CNEP1R1: variants seen among roughly 807,000 people sequenced by gnomAD.
CNEP1R1 encodes CTD nuclear envelope phosphatase 1 regulatory subunit 1, also known as nuclear envelope phosphatase-regulatory subunit 1.
A neutral mutation model predicts 22.7 loss-of-function variants in CNEP1R1; 10 were observed. The observed-to-expected ratio is 0.44, with a 90% confidence interval of 0.27 to 0.75. The LOEUF (loss-of-function observed/expected upper bound fraction) is 0.75. Ranked by LOEUF, CNEP1R1 falls within the 30% of genes least tolerant of loss-of-function variation. The pLI is 0.17. For missense variants in CNEP1R1, 73 were observed against 151.5 expected (o/e 0.48, Z 2.72); for synonymous variants, 53 against 50.1 (o/e 1.06, Z -0.25).
chr16:50,032,276 C>T (rs1351121078), intron 3 of CNEP1R1, among the ~76,000 whole-genome samples: 1 of 152,222 alleles, frequency 6.6e-6, no homozygotes, highest in Non-Finnish European at 1.5e-5. Context: ...TCTGTGTCTC[C>T]AGTCAACGTT....
At chr16:50,033,594 T>C in intron 4 of CNEP1R1, 88 bp downstream of exon 4, 1 of 677,012 alleles carries the variant, frequency 1.5e-6, no homozygotes, top group Non-Finnish European at 2.5e-6. Flanking sequence ...CCGGGCGTGG[T>C]GGCTCACGCC....
At position 50,029,739 on chromosome 16, in the gene CNEP1R1, G is replaced by T. The variant is rs757937480; in HGVS notation, c.112G>T (p.Val38Leu). Residue 38 changes from valine (V) to leucine (L), a missense_variant, in exon 3 of 6, where the codon GTA (valine) becomes TTA (leucine). Coordinates refer to ENST00000427478, the MANE Select transcript of CNEP1R1 (RefSeq NM_001281789.2). The stretch of plus-strand genomic sequence containing the variant: ...TCTTTCATCAGTGCTTCTTATAGTG[G>T]TATCTGTCTGTACAGCTACTGGTGC... ...TGRWRMLLIV[V>L]SVCTATGAWN... 6.2e-7 allele frequency: 1 copy of T among 1,606,798 alleles called. No individual in the cohort carries two copies. The highest frequency in any genetic ancestry group is 8.5e-7 in the Non-Finnish European group (1 of 1,174,568).
Position 50,035,539 on chromosome 16 carries a change from T to A in CNEP1R1, c.*81T>A. 1 of 1,083,742 alleles carries A rather than the reference T, an allele frequency of 9.2e-7. No individual in the cohort carries two copies. The highest frequency in any genetic ancestry group is 1.4e-6 in the Non-Finnish European group (1 of 732,634). 67.1% of individuals were successfully genotyped at this position (1,083,742 alleles called of 1,614,324 possible). A position where few individuals can be genotyped will look rare whatever the true frequency, so the allele number is the denominator to read the frequency against. On this transcript the variant is annotated 3_prime_UTR_variant, in exon 6 of 6. Transcript: ENST00000427478. ...CAGCAAAAAGCCATAAAGGATTCCTTTTGCGGTTGGATATGTAAAGGTCAT... is the reference window on the plus strand; with the variant it reads ...CAGCAAAAAGCCATAAAGGATTCCTATTGCGGTTGGATATGTAAAGGTCAT...
At position 50,025,235 on chromosome 16, in the gene CNEP1R1, G is replaced by C; in HGVS notation, c.-81G>C. On this transcript the variant is annotated 5_prime_UTR_variant, in exon 1 of 6. Coordinates refer to ENST00000427478, the MANE Select transcript of CNEP1R1 (RefSeq NM_001281789.2). ...CAGCGGGGAGCGGTTAGAGGTGGGAGTTGGCGCTGCGGGCCGGGCGGGGGC... is the reference window on the plus strand; with the variant it reads ...CAGCGGGGAGCGGTTAGAGGTGGGACTTGGCGCTGCGGGCCGGGCGGGGGC... 1 of 1,337,268 alleles carries C rather than the reference G, an allele frequency of 7.5e-7. No homozygotes were observed. Among genetic ancestry groups the C allele is most frequent in the Non-Finnish European group, 9.7e-7 (1 of 1,032,698 alleles). 82.8% of individuals were successfully genotyped at this position (1,337,268 alleles called of 1,614,324 possible).
intron 2 of CNEP1R1, among the ~76,000 whole-genome samples, chr16:50,027,520 A>T: frequency 6.6e-6 from 1 of 150,892 alleles, no homozygotes; most frequent in Admixed American, 6.6e-5. Context: ...AAAAAAAAAA[A>T]AAAAAATTTA....
At chr16:50,028,466 A>C (rs1038977079) in intron 2 of CNEP1R1, among the ~76,000 whole-genome samples, 5 of 152,192 alleles carry the variant, frequency 3.3e-5, no homozygotes, top group African/African-American at 9.6e-5. Context: ...AAGTTTTATT[A>C]GTATGCTGTG....
chr16:50,027,891 T>C (rs543922183), intron 2 of CNEP1R1, among the ~76,000 whole-genome samples: 11 of 152,332 alleles, frequency 7.2e-5, no homozygotes, highest in Middle Eastern at 3.4e-3. Flanking sequence ...ATAGGAAATG[T>C]GGACAAATAT....
chr16:50,029,826 CA>C, intron 3 of CNEP1R1, 28 bp downstream of exon 3: 1 of 1,357,832 alleles, frequency 7.4e-7, no homozygotes, highest in Non-Finnish European at 1.1e-6. Flanking sequence ...AAATCATTAG[CA>C]TAATTAAATG....
intron 3 of CNEP1R1, among the ~76,000 whole-genome samples, chr16:50,031,396 C>G (rs986009488): frequency 6.6e-6 from 1 of 152,156 alleles, no homozygotes; most frequent in Non-Finnish European, 1.5e-5. Flanking sequence ...ACAGGAAACT[C>G]TCTTGTGTGT....
chr16:50,032,144 C>G (rs1426109141), intron 3 of CNEP1R1, among the ~76,000 whole-genome samples: 2 of 152,174 alleles, frequency 1.3e-5, no homozygotes, highest in African/African-American at 4.8e-5. Context: ...TCTTGAAACA[C>G]GTGCCTGCGC....
At chr16:50,035,048 A>G (rs1376832304) in intron 5 of CNEP1R1, among the ~76,000 whole-genome samples, 1 of 151,718 alleles carries the variant, frequency 6.6e-6, no homozygotes, top group Non-Finnish European at 1.5e-5. Context: ...ATACCTATTC[A>G]TTACAGAAAT....
intron 5 of CNEP1R1, 142 bp downstream of exon 5, chr16:50,034,298 G>T: frequency 3.3e-6 from 2 of 609,384 alleles, no homozygotes; most frequent in East Asian, 2.9e-5. Context: ...TTGATTCTAA[G>T]GTACTTTTAC....
chr16:50,034,164 T>G lies in CNEP1R1; in HGVS notation c.336+8T>G. 2 of 1,562,224 alleles carry G rather than the reference T, an allele frequency of 1.3e-6. No individual in the cohort carries two copies. Among genetic ancestry groups the G allele is most frequent in the Non-Finnish European group, 1.7e-6 (2 of 1,148,922 alleles). On this transcript the variant is annotated splice_region_variant and intron_variant, in intron 5 of 5. Coordinates refer to ENST00000427478, the MANE Select transcript of CNEP1R1 (RefSeq NM_001281789.2). ...AATATGTCTTGTGATGATGTAAGTA[T>G]TTTTTTGGTTAGAAAATTATAGACC...
At chr16:50,033,370 T>A in intron 3 of CNEP1R1, 27 bp from the exon 4 acceptor site, 1 of 1,243,952 alleles carries the variant, frequency 8.0e-7, no homozygotes. Flanking sequence ...TTTTAACATT[T>A]TTATATTTTC....
chr16:50,026,017 A>G (rs753174587), intron 1 of CNEP1R1: 4 of 454,628 alleles, frequency 8.8e-6, no homozygotes, highest in Non-Finnish European at 1.6e-5. Context: ...ACGTGGTTCT[A>G]ATAGGAAGTT....
In CNEP1R1 at chr16:50,034,090, A is replaced by C. The variant is rs755839454; in HGVS notation, c.282-12A>C. The C allele has an allele frequency of 1.3e-6, 2 of 1,585,252 alleles. No individual in the cohort carries two copies. The highest frequency in any genetic ancestry group is 2.7e-5 in the African/African-American group (2 of 74,538). On this transcript the variant is annotated splice_polypyrimidine_tract_variant and intron_variant, in intron 4 of 5. Transcript: ENST00000427478. ...TGAAATGAGAAATTTTCCTTTGACC[A>C]CATGTATTCAGTATAGCTGCTCGAT...
intron 2 of CNEP1R1, among the ~76,000 whole-genome samples, chr16:50,027,496 A>G (rs2036195808): frequency 7.3e-6 from 1 of 136,068 alleles, no homozygotes; most frequent in African/African-American, 2.7e-5. Context: ...CGACAGAGCG[A>G]GACTCTGTCT....
At chr16:50,033,182 A>G (rs1213451585) in intron 3 of CNEP1R1, among the ~76,000 whole-genome samples, 1 of 152,184 alleles carries the variant, frequency 6.6e-6, no homozygotes, top group African/African-American at 2.4e-5. Flanking sequence ...GAATGGAGGG[A>G]ATACTGCTAT....
chr16:50,028,421 AT>A (rs887375866), intron 2 of CNEP1R1, among the ~76,000 whole-genome samples: 1 of 152,180 alleles, frequency 6.6e-6, no homozygotes, highest in African/African-American at 2.4e-5. Context: ...ATCTGGCAAG[AT>A]TTTTTTGTAT....
Sources: gnomAD v4.1 joint callset for allele counts (sites outside exome capture counted in the v4.1 genomes callset) on GRCh38, gnomAD v4.1.1 for gene constraint, MANE v1.5 for transcripts, NCBI Gene and HGNC (gene_info 2026-07-23, HGNC 2026-07-21) for gene names.